Variants in ASTN2 observed in about 807,000 individuals in gnomAD.
The protein encoded by ASTN2 is astrotactin-2.
Under a neutral mutation model 139.8 loss-of-function variants are expected in ASTN2, and 54 were observed. The observed-to-expected ratio is 0.39, with a 90% CI of 0.31 to 0.48. ASTN2 has a LOEUF of 0.48. Among genes scored for constraint, ASTN2 ranks in the 20% least tolerant of loss-of-function variants. The probability of loss-of-function intolerance (pLI) is 0.95; values close to 1 mark genes in which losing one functional copy is unlikely to be tolerated. For missense variants in ASTN2, 1,565 were observed against 1,725.1 expected, an observed-to-expected ratio of 0.91 and a Z score of 1.64; for synonymous variants, 756 against 719.5, an observed-to-expected ratio of 1.05 and a Z score of -0.81.
intron 19 of ASTN2, among the ~76,000 whole-genome samples, chr9:116,515,144 T>C (rs149765486): frequency 5.9e-4 from 90 of 152,230 alleles, no homozygotes; most frequent in African/African-American, 2.1e-3. Flanking sequence ...AACTGCCCTA[T>C]CTCTGAATTT....
chr9:116,960,690 GTC>G (rs1182475711), intron 10 of ASTN2, among the ~76,000 whole-genome samples: 1 of 151,832 alleles, frequency 6.6e-6, no homozygotes, highest in Non-Finnish European at 1.5e-5. Flanking sequence ...ATTGCCAAAT[GTC>G]TTCTGGGGGA....
At chr9:116,784,592 A>T (rs562386260) in intron 13 of ASTN2, among the ~76,000 whole-genome samples, 1 of 152,250 alleles carries the variant, frequency 6.6e-6, no homozygotes, top group African/African-American at 2.4e-5. Flanking sequence ...TCAGCCTAGC[A>T]CTGTGATATG....
intron 19 of ASTN2, among the ~76,000 whole-genome samples, chr9:116,537,270 C>T (rs1851679345): frequency 6.6e-6 from 1 of 152,166 alleles, no homozygotes; most frequent in Non-Finnish European, 1.5e-5. Flanking sequence ...CCTATTTGGC[C>T]ATCTTGGAAC....
intron 10 of ASTN2, among the ~76,000 whole-genome samples, chr9:116,957,096 A>G (rs1835731014): frequency 6.6e-6 from 1 of 150,698 alleles, no homozygotes; most frequent in African/African-American, 2.5e-5. Context: ...TCCAAAATTC[A>G]TATGAAAATA....
intron 1 of ASTN2, among the ~76,000 whole-genome samples, chr9:117,367,159 C>T (rs1829866415): frequency 6.6e-6 from 1 of 152,168 alleles, no homozygotes; most frequent in South Asian, 2.1e-4. Flanking sequence ...GCTATTTCCC[C>T]ATTTTGTGTG....
chr9:116,435,459 T>A (rs1847621568), intron 22 of ASTN2, among the ~76,000 whole-genome samples: 1 of 152,236 alleles, frequency 6.6e-6, no homozygotes, highest in Non-Finnish European at 1.5e-5. Flanking sequence ...ACCATCATGA[T>A]CTGTCCTTTG....
intron 3 of ASTN2, among the ~76,000 whole-genome samples, chr9:117,149,991 G>A (rs1271124445): frequency 6.6e-6 from 1 of 152,178 alleles, no homozygotes; most frequent in Non-Finnish European, 1.5e-5. Flanking sequence ...TGGAAAACTT[G>A]GGAATAGCCT....
intron 19 of ASTN2, among the ~76,000 whole-genome samples, chr9:116,559,949 G>C (rs574975282): frequency 1.3e-5 from 2 of 151,978 alleles, no homozygotes; most frequent in Admixed American, 6.6e-5. Flanking sequence ...TATTATTGCC[G>C]CTTTTTATTG....
chr9:117,304,298 G>T (rs1435129291), intron 1 of ASTN2, among the ~76,000 whole-genome samples: 1 of 152,206 alleles, frequency 6.6e-6, no homozygotes, highest in South Asian at 2.1e-4. Context: ...ACAAGATGGG[G>T]TTGGGCTTTC....
chr9:117,063,638 C>A (rs555842559), intron 5 of ASTN2, among the ~76,000 whole-genome samples: 1 of 152,312 alleles, frequency 6.6e-6, no homozygotes, highest in East Asian at 1.9e-4. Context: ...CAGACTAATA[C>A]ACCTGGTTAT....
Position 116,820,607 on chromosome 9 carries a change from A to G in ASTN2, c.2207+10T>C, listed in dbSNP as rs1354727564. On this transcript the variant is annotated intron_variant, in intron 12 of 22. Transcript: ENST00000313400. ...AATGGGGCACCTGGGCCTTGGGGAC[A>G]GAGACTCACCCGCAGAACATGAAGA... The G allele has an allele frequency of 6.2e-7, 1 of 1,612,074 alleles. No individual in the cohort carries two copies. The highest frequency in any genetic ancestry group is 8.5e-7 in the Non-Finnish European group (1 of 1,178,754).
At chr9:117,185,342 T>C (rs912369424) in intron 3 of ASTN2, among the ~76,000 whole-genome samples, 3 of 152,236 alleles carry the variant, frequency 2.0e-5, no homozygotes, top group Admixed American at 6.5e-5. Flanking sequence ...CAGTCTCCTT[T>C]GAAGCAAGGC....
At chr9:116,460,644 G>C (rs2118964019) in intron 20 of ASTN2, among the ~76,000 whole-genome samples, 1 of 152,206 alleles carries the variant, frequency 6.6e-6, no homozygotes, top group South Asian at 2.1e-4. Context: ...TTTAAAATTT[G>C]TAAATGTAGG....
intron 1 of ASTN2, among the ~76,000 whole-genome samples, chr9:117,336,455 G>A (rs769353392): frequency 1.3e-4 from 20 of 152,180 alleles, no homozygotes; most frequent in Admixed American, 3.3e-4. Context: ...CCGATGCAGC[G>A]CTTCCCTACA....
intron 20 of ASTN2, 47 bp downstream of exon 20, chr9:116,487,312 A>G (rs1189945632): frequency 1.2e-6 from 2 of 1,604,704 alleles, no homozygotes; most frequent in East Asian, 2.2e-5. Context: ...TTAGGCTTAA[A>G]ATCATCCTGT....
Position 116,974,977 on chromosome 9 carries a change from C to A in ASTN2, c.1889+231G>T, listed in dbSNP as rs77201925. Among the ~76,000 whole-genome samples, 1,315 of 152,262 alleles carry A rather than the reference C, an allele frequency of 8.6e-3. 8 individuals are homozygous for A. Among genetic ancestry groups the A allele is most frequent in the South Asian group, 0.026 (127 of 4,816 alleles). On this transcript the variant is annotated intron_variant, in intron 10 of 22. Coordinates refer to ENST00000313400, the MANE Select transcript of ASTN2 (RefSeq NM_001365068.1). The stretch of plus-strand genomic sequence containing the variant: ...GATGAGCTAGATAATGCATCAGCCT[C>A]TTTTATATTTAATATAACCAAAAAG...
chr9:117,150,190 A>C (rs1830295470), intron 3 of ASTN2, among the ~76,000 whole-genome samples: 1 of 152,220 alleles, frequency 6.6e-6, no homozygotes, highest in Admixed American at 6.5e-5. Context: ...CCTAGCCAGA[A>C]CACAGATGGT....
At chr9:117,148,803 T>C (rs1415799574) in intron 3 of ASTN2, among the ~76,000 whole-genome samples, 1 of 152,116 alleles carries the variant, frequency 6.6e-6, no homozygotes, top group Non-Finnish European at 1.5e-5. Context: ...ACATTCTCCA[T>C]ACTGTGCATG....
intron 11 of ASTN2, among the ~76,000 whole-genome samples, chr9:116,833,769 AC>A (rs1316087144): frequency 6.6e-6 from 1 of 152,186 alleles, no homozygotes; most frequent in Non-Finnish European, 1.5e-5. Flanking sequence ...TTATGTCCCC[AC>A]AAAGATTTGT....
Sources: allele counts gnomAD v4.1 joint callset (sites outside exome capture counted in the v4.1 genomes callset), GRCh38; gene constraint gnomAD v4.1.1; transcripts MANE v1.5; gene names NCBI Gene and HGNC (gene_info 2026-07-23, HGNC 2026-07-21).